LRBA: variants seen among roughly 807,000 people sequenced by gnomAD.
LRBA encodes LPS responsive beige-like anchor protein, also known as lipopolysaccharide-responsive and beige-like anchor protein.
A neutral mutation model predicts 330.0 loss-of-function variants in LRBA; 176 were observed. The ratio of observed to expected loss-of-function variants is 0.53; its 90% CI spans 0.47 to 0.60. The LOEUF (loss-of-function observed/expected upper bound fraction) is 0.60, where lower values mean the gene tolerates loss of function less well. Ranked by LOEUF, LRBA falls within the 20% of genes least tolerant of loss-of-function variation. The pLI, the probability that LRBA is intolerant of heterozygous loss-of-function variation, is 0.00. For synonymous variants in LRBA, 1,230 were observed against 1,193.0 expected (o/e 1.03, Z -0.64); for missense variants, 3,259 against 3,444.8 (o/e 0.95, Z 1.35).
At chr4:150,625,198 G>A (rs1023213266) in intron 37 of LRBA, among the ~76,000 whole-genome samples, 1 of 152,130 alleles carries the variant, frequency 6.6e-6, no homozygotes, top group Non-Finnish European at 1.5e-5. Flanking sequence ...GAAATCTCCA[G>A]AAGAGGTTTT....
intron 40 of LRBA, among the ~76,000 whole-genome samples, chr4:150,519,444 T>A (rs750016686): frequency 4.6e-5 from 7 of 152,198 alleles, no homozygotes; most frequent in African/African-American, 1.7e-4. Flanking sequence ...CTACGCATGA[T>A]ACACATGGAA....
Position 151,014,849 on chromosome 4 carries a change from A to G in LRBA, c.-207T>C. ...CCAATCTCTCTCCCCGAGGCTGACA[A>G]CAACGCCAAACCCTATTGGAAGATT... On this transcript the variant is annotated 5_prime_UTR_variant, in exon 2 of 57. Coordinates refer to ENST00000651943, the MANE Select transcript of LRBA (RefSeq NM_001364905.1). 1 of 556,140 alleles carries G rather than the reference A, an allele frequency of 1.8e-6. No individual in the cohort carries two copies. Among genetic ancestry groups the G allele is most frequent in the Non-Finnish European group, 3.2e-6 (1 of 312,966 alleles). 34.5% of individuals were successfully genotyped at this position (556,140 alleles called of 1,614,324 possible). A position where few individuals can be genotyped will look rare whatever the true frequency, so the allele number is the denominator to read the frequency against.
At chr4:150,266,222 A>C (rs1227841302) in intron 56 of LRBA, among the ~76,000 whole-genome samples, 8 of 152,232 alleles carry the variant, frequency 5.3e-5, no homozygotes, top group Admixed American at 3.3e-4. Context: ...TGGTGGAAAG[A>C]AGCAGCACAC....
intron 38 of LRBA, 88 bp from the exon 39 acceptor site, chr4:150,590,947 C>A: frequency 1.7e-6 from 2 of 1,144,194 alleles, no homozygotes; most frequent in East Asian, 2.4e-5. Flanking sequence ...GGTAGGTGGC[C>A]AAAGATGGTC....
rs1459936076 is a variant in LRBA, at chr4:150,997,035, CT to C, written c.216+17391del. Among the ~76,000 whole-genome samples, 7 of 152,102 alleles carry C rather than the reference CT, an allele frequency of 4.6e-5. No individual in the cohort carries two copies. In the East Asian group the frequency reaches 9.6e-4, roughly 21 times the overall value. On this transcript the variant is annotated intron_variant, in intron 2 of 56. Transcript: ENST00000651943. ...GGATCATAAAGCAAAGCATTAATTTCTTTTTTTATTTTTATTTTATTTTAAT... is the reference window on the plus strand; with the variant it reads ...GGATCATAAAGCAAAGCATTAATTTCTTTTTTATTTTTATTTTATTTTAAT...
At chr4:150,833,666 C>T (rs966142205) in intron 28 of LRBA, among the ~76,000 whole-genome samples, 1 of 152,162 alleles carries the variant, frequency 6.6e-6, no homozygotes, top group Admixed American at 6.5e-5. Flanking sequence ...CAGTGAGTCA[C>T]AATCTTTTTG....
chr4:150,309,334 G>C (rs1304934345), intron 52 of LRBA, among the ~76,000 whole-genome samples: 2 of 151,952 alleles, frequency 1.3e-5, no homozygotes, highest in African/African-American at 4.8e-5. Flanking sequence ...ATCCCATCTA[G>C]TTTGTGTAAG....
In LRBA at chr4:151,014,605, G is replaced by A; in HGVS notation, c.38C>T (p.Pro13Leu). 1.9e-6 allele frequency: 3 copies of A among 1,609,570 alleles called. No homozygotes were observed. The highest frequency in any genetic ancestry group is 2.5e-6 in the Non-Finnish European group (3 of 1,177,682). The change falls in exon 2 of 57, where the codon CCA becomes CTA. Residue 13 changes from proline (P) to leucine (L), a missense_variant. Transcript: ENST00000651943. ...TCCACCTCCCCCGTCATCACCTGTT[G>A]GTGGCGGGGAAGGGACACGATTGTC... ...SEDNRVPSPP[P>L]TGDDGGGGGR...
chr4:150,766,888 C>T (rs932247201), intron 34 of LRBA, among the ~76,000 whole-genome samples: 42 of 152,130 alleles, frequency 2.8e-4, no homozygotes, highest in Non-Finnish European at 7.4e-5. Flanking sequence ...AATTTCATAC[C>T]TGTTCCTAAG....
At chr4:151,004,089 T>C (rs1363205671) in intron 2 of LRBA, among the ~76,000 whole-genome samples, 2 of 152,052 alleles carry the variant, frequency 1.3e-5, no homozygotes, top group African/African-American at 4.8e-5. Context: ...AGGCCAATTT[T>C]TGTATGGTTT....
rs936186440 is a variant in LRBA at position 150,733,582 on chromosome 4, A to T, written c.5754+1676T>A. 8.1e-4 allele frequency among the ~76,000 whole-genome samples: 122 copies of T among 150,842 alleles called. No homozygotes were observed. In the Middle Eastern group the frequency reaches 0.01, roughly 13 times the overall value. ...CTCTCTCTCTCTCTCTCTCTCACAC[A>T]CACACACACACACACACCTCAAGAC... On this transcript the variant is annotated intron_variant, in intron 36 of 56. Coordinates refer to ENST00000651943, the MANE Select transcript of LRBA (RefSeq NM_001364905.1).
chr4:150,478,740 A>G (rs1216928617), intron 42 of LRBA, among the ~76,000 whole-genome samples: 1 of 152,156 alleles, frequency 6.6e-6, no homozygotes, highest in Non-Finnish European at 1.5e-5. Flanking sequence ...ATAGCTGGTT[A>G]TATTTCTTCA....
intron 11 of LRBA, among the ~76,000 whole-genome samples, chr4:150,907,643 A>C (rs1273912225): frequency 6.6e-6 from 1 of 152,168 alleles, no homozygotes; most frequent in African/African-American, 2.4e-5. Context: ...AAAAGTATTT[A>C]AATTTCTCAA....
intron 48 of LRBA, among the ~76,000 whole-genome samples, chr4:150,334,575 T>G (rs917414659): frequency 2.6e-5 from 4 of 152,106 alleles, no homozygotes; most frequent in African/African-American, 9.7e-5. Context: ...AACACTTGCA[T>G]GCAAAATCTG....
At chr4:150,851,282 CAG>C (rs959901679) in intron 23 of LRBA, among the ~76,000 whole-genome samples, 1 of 152,056 alleles carries the variant, frequency 6.6e-6, no homozygotes, top group South Asian at 2.1e-4. Context: ...AGAATAAAAA[CAG>C]AGATAACATA....
intron 40 of LRBA, among the ~76,000 whole-genome samples, chr4:150,566,731 TTTAG>T (rs760785391): frequency 8.5e-5 from 13 of 152,248 alleles, no homozygotes; most frequent in Admixed American, 7.9e-4. Context: ...TTTGACTGTA[TTTAG>T]TTATTTAAAT....
chr4:150,567,105 T>C (rs1267506285), intron 40 of LRBA, among the ~76,000 whole-genome samples: 1 of 152,168 alleles, frequency 6.6e-6, no homozygotes, highest in Non-Finnish European at 1.5e-5. Context: ...ACAAATTATT[T>C]TGGAAATTTC....
chr4:150,599,252 TCTCC>T, intron 37 of LRBA, 121 bp from the exon 38 acceptor site: 1 of 946,692 alleles, frequency 1.1e-6, no homozygotes, highest in Non-Finnish European at 1.6e-6. Flanking sequence ...TCCACTTAAT[TCTCC>T]CTCCATCTCA....
intron 2 of LRBA, among the ~76,000 whole-genome samples, chr4:151,004,143 A>G (rs949321394): frequency 1.7e-4 from 26 of 152,008 alleles, no homozygotes; most frequent in African/African-American, 6.0e-4. Flanking sequence ...GGTTCAAGCA[A>G]TTCTCTGCCC....
Sources: allele counts gnomAD v4.1 joint callset (sites outside exome capture counted in the v4.1 genomes callset), GRCh38; gene constraint gnomAD v4.1.1; transcripts MANE v1.5; gene names NCBI Gene and HGNC (gene_info 2026-07-23, HGNC 2026-07-21).